The following MAPRE1 variants were observed in gnomAD, a reference collection of about 807,000 sequenced individuals.
MAPRE1 encodes the protein microtubule associated protein RP/EB family member 1, also known as microtubule-associated protein RP/EB family member 1.
Under a neutral mutation model 32.1 loss-of-function variants are expected in MAPRE1, and 5 were observed. The observed-to-expected ratio is 0.16, with a 90% CI of 0.08 to 0.33. The LOEUF (loss-of-function observed/expected upper bound fraction) is 0.33. Ranked by LOEUF, MAPRE1 falls within the 10% of genes least tolerant of loss-of-function variation. The pLI, the probability that MAPRE1 is intolerant of heterozygous loss-of-function variation, is 1.00. For missense variants in MAPRE1, 209 were observed against 327.2 expected, an observed-to-expected ratio of 0.64 and a Z score of 2.79; for synonymous variants, 122 against 118.9, an observed-to-expected ratio of 1.03 and a Z score of -0.17.
intron 5 of MAPRE1, 54 bp downstream of exon 5, chr20:32,839,910 G>C: frequency 1.2e-6 from 2 of 1,604,962 alleles, no homozygotes; most frequent in Admixed American, 1.7e-5. Context: ...GGATCCTTGC[G>C]GTGGCCAGGG....
intron 1 of MAPRE1, among the ~76,000 whole-genome samples, chr20:32,825,047 G>A (rs1842598628): frequency 6.6e-6 from 1 of 151,526 alleles, no homozygotes; most frequent in South Asian, 2.1e-4. Flanking sequence ...AGGTACTTGA[G>A]AAGCTGAGGC....
At chr20:32,820,625 G>GAAT (rs1030065092) in intron 1 of MAPRE1, among the ~76,000 whole-genome samples, 3 of 152,164 alleles carry the variant, frequency 2.0e-5, no homozygotes, top group Non-Finnish European at 4.4e-5. Flanking sequence ...TGTGTTTATT[G>GAAT]AATGCCCACT....
In MAPRE1 at chr20:32,848,707, G is replaced by C; in HGVS notation, c.786G>C (p.Gln262His). 6.2e-7 allele frequency: 1 copy of C among 1,612,876 alleles called. No individual in the cohort carries two copies. Among genetic ancestry groups the C allele is most frequent in the Middle Eastern group, 1.7e-4 (1 of 6,044 alleles). The change falls in exon 7 of 7, where the codon CAG (glutamine) becomes CAC (histidine). Residue 262 changes from glutamine to histidine, a missense_variant. By Grantham distance (24) the Gln-to-His change is conservative. This residue lies in a region of MAPRE1 where 36 missense variants were observed against 71.9 expected (regional missense o/e 0.50). Coordinates refer to ENST00000375571, the MANE Select transcript of MAPRE1 (RefSeq NM_012325.3). ...TGATACCTGATGAAGGGGGCCCACA[G>C]GAGGAGCAAGAAGAGTATTAACAGC... ...GFVIPDEGGP[Q>H]EEQEEY is the part of the protein sequence containing the mutation.
At chr20:32,838,495 A>G (rs1473890992) in intron 4 of MAPRE1, among the ~76,000 whole-genome samples, 1 of 152,178 alleles carries the variant, frequency 6.6e-6, no homozygotes, top group Non-Finnish European at 1.5e-5. Flanking sequence ...TCTCTCAGTT[A>G]CAGACCCAAG....
chr20:32,831,490 A>G (rs1472056061), intron 2 of MAPRE1, among the ~76,000 whole-genome samples: 1 of 147,650 alleles, frequency 6.8e-6, no homozygotes, highest in East Asian at 2.0e-4. Flanking sequence ...CTCCTGTGCA[A>G]TTTTGGTAAC....
intron 5 of MAPRE1, 38 bp downstream of exon 5, chr20:32,839,894 G>C: frequency 6.2e-7 from 1 of 1,612,186 alleles, no homozygotes; most frequent in Non-Finnish European, 8.5e-7. Context: ...GTCACCTCGG[G>C]GGATAGGATC....
chr20:32,820,127 C>G (rs1982645198), intron 1 of MAPRE1, 99 bp downstream of exon 1: 1 of 150,202 alleles, frequency 6.7e-6, no homozygotes, highest in South Asian at 2.1e-4. Context: ...GCGCCAGGGC[C>G]GTTCCACACG....
At chr20:32,836,897 G>T in intron 4 of MAPRE1, 56 bp downstream of exon 4, 1 of 1,483,324 alleles carries the variant, frequency 6.7e-7, no homozygotes, top group Non-Finnish European at 9.1e-7. Flanking sequence ...TATTCATTCA[G>T]CGTTCAACTA....
chr20:32,829,446 T>C (rs1463034303), intron 2 of MAPRE1, among the ~76,000 whole-genome samples: 1 of 152,226 alleles, frequency 6.6e-6, no homozygotes, highest in Non-Finnish European at 1.5e-5. Flanking sequence ...GCAGACAGGA[T>C]GAGACACAGA....
chr20:32,834,979 T>C (rs1387443539), intron 3 of MAPRE1, among the ~76,000 whole-genome samples: 1 of 152,216 alleles, frequency 6.6e-6, no homozygotes, highest in Admixed American at 6.5e-5. Flanking sequence ...AAAGTAACTT[T>C]TAAAAATTAT....
chr20:32,832,038 C>T (rs1983044851), intron 2 of MAPRE1, among the ~76,000 whole-genome samples: 1 of 151,888 alleles, frequency 6.6e-6, no homozygotes, highest in African/African-American at 2.4e-5. Context: ...AGGCCTTAAC[C>T]TTCTGAAGAT....
rs1035161093 is a variant in MAPRE1 at position 32,848,835 on chromosome 20, A to G, written c.*107A>G. 69 of 933,018 alleles carry G rather than the reference A, an allele frequency of 7.4e-5. No individual in the cohort carries two copies. In the African/African-American group the frequency reaches 9.8e-4, roughly 13 times the overall value. 57.8% of individuals were successfully genotyped at this position (933,018 alleles called of 1,614,324 possible). ...TTAGAGGACTCACTGGTTTCTTTTC[A>G]TAAGCAAAAAGTACCTCTTCTTAAA... On this transcript the variant is annotated 3_prime_UTR_variant, in exon 7 of 7. Coordinates refer to ENST00000375571, the MANE Select transcript of MAPRE1 (RefSeq NM_012325.3).
At chr20:32,830,227 G>GT (rs1158179657) in intron 2 of MAPRE1, among the ~76,000 whole-genome samples, 1 of 152,058 alleles carries the variant, frequency 6.6e-6, no homozygotes, top group Non-Finnish European at 1.5e-5. Flanking sequence ...CTTAATGTGG[G>GT]GCCCCGACAG....
intron 2 of MAPRE1, among the ~76,000 whole-genome samples, chr20:32,831,961 AAAAC>A (rs1212162393): frequency 6.6e-6 from 1 of 151,890 alleles, no homozygotes; most frequent in African/African-American, 2.4e-5. Context: ...AAAAAAAAAA[AAAAC>A]AAAAGAATGC....
chr20:32,838,716 A>G (rs1983269043), intron 4 of MAPRE1, among the ~76,000 whole-genome samples: 1 of 152,200 alleles, frequency 6.6e-6, no homozygotes, highest in East Asian at 1.9e-4. Flanking sequence ...TTCATATTTC[A>G]GATGCTGCTA....
At chr20:32,838,191 T>G (rs1983253269) in intron 4 of MAPRE1, among the ~76,000 whole-genome samples, 1 of 152,242 alleles carries the variant, frequency 6.6e-6, no homozygotes, top group Non-Finnish European at 1.5e-5. Context: ...ATCTGCTTTC[T>G]GTCTCTGGAT....
At chr20:32,845,869 C>T (rs890280316) in intron 5 of MAPRE1, among the ~76,000 whole-genome samples, 5 of 152,150 alleles carry the variant, frequency 3.3e-5, no homozygotes, top group South Asian at 2.1e-4. Context: ...CTGCCGAGGT[C>T]GTTCTCAGTG....
At chr20:32,827,281 G>A (rs1327858352) in intron 2 of MAPRE1, among the ~76,000 whole-genome samples, 5 of 152,042 alleles carry the variant, frequency 3.3e-5, no homozygotes, top group African/African-American at 7.2e-5. Context: ...GGTGGCAGGC[G>A]CCTGTAATCC....
At chr20:32,827,770 C>T (rs906412203) in intron 2 of MAPRE1, among the ~76,000 whole-genome samples, 11 of 151,878 alleles carry the variant, frequency 7.2e-5, no homozygotes, top group Non-Finnish European at 1.5e-4. Flanking sequence ...GTGGCACGCA[C>T]CTGTAGTCCA....
Sources: allele counts gnomAD v4.1 joint callset (sites outside exome capture counted in the v4.1 genomes callset), GRCh38; gene constraint gnomAD v4.1.1; regional missense constraint gnomAD v4.1.1; transcripts MANE v1.5; gene names NCBI Gene and HGNC (gene_info 2026-07-23, HGNC 2026-07-21).